The following DTNBP1 variants were observed in gnomAD, a reference collection of about 807,000 sequenced individuals.
DTNBP1 encodes dysbindin.
Under a neutral mutation model 42.8 loss-of-function variants are expected in DTNBP1, and 35 were observed. The ratio of observed to expected loss-of-function variants is 0.82; its 90% CI spans 0.63 to 1.09. The LOEUF (loss-of-function observed/expected upper bound fraction) is 1.09. DTNBP1 is among the 50% of genes least tolerant of loss of function. The pLI is 0.00. For missense variants in DTNBP1, 457 were observed against 424.2 expected, an observed-to-expected ratio of 1.08 and a Z score of -0.68; for synonymous variants, 171 against 162.2, an observed-to-expected ratio of 1.05 and a Z score of -0.41.
At chr6:15,582,892 A>C (rs78598127) in intron 7 of DTNBP1, among the ~76,000 whole-genome samples, 2 of 152,228 alleles carry the variant, frequency 1.3e-5, no homozygotes, top group Admixed American at 6.5e-5. Flanking sequence ...TATTATTCCA[A>C]TGCTTCTTTA....
intron 6 of DTNBP1, among the ~76,000 whole-genome samples, chr6:15,607,330 C>A (rs968197541): frequency 6.6e-6 from 1 of 152,064 alleles, no homozygotes; most frequent in Non-Finnish European, 1.5e-5. Context: ...GAGACAGAGT[C>A]TCACTCTGTT....
At chr6:15,542,755 G>C (rs573170575) in intron 7 of DTNBP1, among the ~76,000 whole-genome samples, 1 of 152,076 alleles carries the variant, frequency 6.6e-6, no homozygotes, top group South Asian at 2.1e-4. Context: ...AAAATGGCAC[G>C]ATCTTGGCTC....
At chr6:15,597,453 G>C (rs2113642808) in intron 6 of DTNBP1, among the ~76,000 whole-genome samples, 1 of 152,268 alleles carries the variant, frequency 6.6e-6, no homozygotes, top group Non-Finnish European at 1.5e-5. Context: ...TGGGTAAGCA[G>C]GAGTTTTAAG....
At chr6:15,533,825 T>A (rs1166667034) in intron 7 of DTNBP1, among the ~76,000 whole-genome samples, 2 of 152,216 alleles carry the variant, frequency 1.3e-5, no homozygotes, top group Admixed American at 6.5e-5. Flanking sequence ...GTGCAATTGC[T>A]AAGGATTTGG....
intron 3 of DTNBP1, among the ~76,000 whole-genome samples, chr6:15,648,401 A>G (rs950861956): frequency 6.6e-6 from 1 of 152,084 alleles, no homozygotes; most frequent in African/African-American, 2.4e-5. Context: ...TAGCCAGAGC[A>G]ATTAGGCAAG....
At chr6:15,595,071 T>A in intron 6 of DTNBP1, 1 of 455,860 alleles carries the variant, frequency 2.2e-6, no homozygotes, top group South Asian at 1.6e-5. Flanking sequence ...AAGCCCAGCA[T>A]CTTCTGGGCA....
chr6:15,524,546 G>A lies in DTNBP1; in HGVS notation c.791C>T (p.Thr264Ile). The A allele has an allele frequency of 6.2e-7, 1 of 1,609,798 alleles. No individual in the cohort carries two copies. The highest frequency in any genetic ancestry group is 8.5e-7 in the Non-Finnish European group (1 of 1,177,274). The change falls in exon 9 of 10, where the codon ACT (threonine) becomes ATT (isoleucine). Residue 264 changes from threonine to isoleucine, a missense_variant. By Grantham distance (89) the Thr-to-Ile change is moderately conservative (BLOSUM62 -1). Transcript: ENST00000344537. The part of the protein sequence containing the change: ...VFLNSGGEEN[T>I]VLSPALGPES... ...CCTACCTAAGGCGGGGGACAGCACA[G>A]TGTTCTCTTCTCCTCCAGAGTTCAG...
intron 7 of DTNBP1, among the ~76,000 whole-genome samples, chr6:15,546,988 A>G (rs1380497253): frequency 7.5e-6 from 1 of 133,996 alleles, no homozygotes. Flanking sequence ...TGTGTTATGG[A>G]TATTTAGACA....
At chr6:15,647,140 T>C (rs1393382992) in intron 3 of DTNBP1, among the ~76,000 whole-genome samples, 3 of 151,872 alleles carry the variant, frequency 2.0e-5, no homozygotes, top group Non-Finnish European at 4.4e-5. Context: ...TATAAGGAAC[T>C]TAAACAAATG....
intron 3 of DTNBP1, 95 bp downstream of exon 3, chr6:15,651,218 G>C (rs147190158): frequency 9.1e-7 from 1 of 1,095,752 alleles, no homozygotes; most frequent in East Asian, 2.4e-5. Context: ...ATAAAATTTA[G>C]CTGTTTTAAG....
In DTNBP1 at chr6:15,661,612, C is replaced by T. The variant is rs141739976; in HGVS notation, c.56+1202G>A. On this transcript the variant is annotated intron_variant, in intron 1 of 9. Coordinates refer to ENST00000344537, the MANE Select transcript of DTNBP1 (RefSeq NM_032122.5). ...AGTGAGCCGAGATCACGCCACTGCA[C>T]TCCAGTCTGGGTGACAGAGCAAGAC... 7.0e-3 allele frequency among the ~76,000 whole-genome samples: 949 copies of T among 136,462 alleles called. 10 individuals carry two copies. Among genetic ancestry groups the T allele is most frequent in the African/African-American group, 0.025 (907 of 35,644 alleles). The allele number at this position is 136,462 out of a possible 152,430, so 89.5% of individuals were successfully genotyped here.
At chr6:15,617,835 A>C (rs1405481477) in intron 5 of DTNBP1, among the ~76,000 whole-genome samples, 1 of 152,162 alleles carries the variant, frequency 6.6e-6, no homozygotes, top group African/African-American at 2.4e-5. Flanking sequence ...TATGGAGAAG[A>C]CCTCAAGACA....
At chr6:15,576,293 A>AT (rs1271304009) in intron 7 of DTNBP1, among the ~76,000 whole-genome samples, 1 of 151,420 alleles carries the variant, frequency 6.6e-6, no homozygotes, top group African/African-American at 2.4e-5. Flanking sequence ...TAATTTTTGT[A>AT]TTTTTTATTA....
At chr6:15,581,320 C>T (rs746220244) in intron 7 of DTNBP1, among the ~76,000 whole-genome samples, 32 of 152,092 alleles carry the variant, frequency 2.1e-4, no homozygotes, top group Non-Finnish European at 3.8e-4. Flanking sequence ...GCTGGGATTA[C>T]AGGCACCTGC....
Position 15,522,855 on chromosome 6 carries a change from CATT to C in DTNBP1, c.*117_*119del, listed in dbSNP as rs1771991543. 5.2e-6 allele frequency: 8 copies of C among 1,548,298 alleles called. No homozygotes were observed. The highest frequency in any genetic ancestry group is 7.1e-6 in the Non-Finnish European group (8 of 1,127,846). ...TTAGCTGTTCTTTAAGTTTCTCACA[CATT>C]ATTGGCAATTATGTAAAAATCAAGA... On this transcript the variant is annotated 3_prime_UTR_variant, in exon 10 of 10. Transcript: ENST00000344537.
intron 7 of DTNBP1, among the ~76,000 whole-genome samples, chr6:15,590,375 C>T (rs181212179): frequency 2.0e-5 from 3 of 152,292 alleles, no homozygotes; most frequent in Admixed American, 1.3e-4. Context: ...TTATGGATAA[C>T]CACCTTTCCT....
At chr6:15,647,777 C>G (rs1362664678) in intron 3 of DTNBP1, among the ~76,000 whole-genome samples, 3 of 151,816 alleles carry the variant, frequency 2.0e-5, no homozygotes, top group African/African-American at 7.2e-5. Context: ...TAAAAAACCT[C>G]AAGATGAAAT....
chr6:15,619,079 G>T (rs1426701220), intron 5 of DTNBP1, among the ~76,000 whole-genome samples: 1 of 152,182 alleles, frequency 6.6e-6, no homozygotes, highest in Non-Finnish European at 1.5e-5. Context: ...CTGCTGGGGA[G>T]GTGGGCAGTA....
chr6:15,613,357 ATTTTTTTTT>A (rs1184227291), intron 6 of DTNBP1, among the ~76,000 whole-genome samples: 2 of 24,306 alleles, frequency 8.2e-5, no homozygotes, highest in African/African-American at 2.6e-4. Flanking sequence ...CACGGACCCC[ATTTTTTTTT>A]TTTTTTTTTT....
Sources: gnomAD v4.1 joint callset for allele counts (sites outside exome capture counted in the v4.1 genomes callset) on GRCh38, gnomAD v4.1.1 for gene constraint, MANE v1.5 for transcripts, NCBI Gene and HGNC (gene_info 2026-07-23, HGNC 2026-07-21) for gene names.